The following UBE2D2 variants were observed in gnomAD, a reference collection of about 807,000 sequenced individuals.
UBE2D2 encodes ubiquitin-conjugating enzyme E2 D2.
In UBE2D2, 2 loss-of-function variants were observed where a neutral mutation model predicts 24.2. That is an observed-to-expected ratio of 0.08 (90% CI 0.03 to 0.26). UBE2D2 has a LOEUF of 0.26. Among genes scored for constraint, UBE2D2 ranks in the 10% least tolerant of loss-of-function variants. UBE2D2 has a pLI of 1.00. For synonymous variants in UBE2D2, 58 were observed against 56.5 expected, an observed-to-expected ratio of 1.03 and a Z score of -0.12; for missense variants, 44 against 177.6, an observed-to-expected ratio of 0.25 and a Z score of 4.28.
chr5:139,614,454 CCTCATCTTG>C lies in UBE2D2; in HGVS notation c.89-126_89-118del, dbSNP rs1754383757. The C allele has an allele frequency of 6.8e-6, 7 of 1,034,994 alleles. No individual in the cohort carries two copies. In the South Asian group the frequency reaches 9.2e-5, roughly 14 times the overall value. 64.1% of individuals were successfully genotyped at this position (1,034,994 alleles called of 1,614,324 possible). ...TTTCTTTAGACTGTTAATTTATGTT[CCTCATCTTG>C]CTCATACTCATTATCATATTATTTA... is the stretch of plus-strand genomic sequence containing the variant. On this transcript the variant is annotated intron_variant, in intron 2 of 6. Transcript: ENST00000398733.
chr5:139,577,757 C>G (rs576774315), intron 1 of UBE2D2, among the ~76,000 whole-genome samples: 1 of 152,238 alleles, frequency 6.6e-6, no homozygotes, highest in East Asian at 1.9e-4. Flanking sequence ...CACTATCCAC[C>G]TATATTAAGT....
At position 139,548,193 on chromosome 5, in the gene UBE2D2, A is replaced by AAAAAAAAAAATAAATAAAT; in HGVS notation, c.-64+21584_-64+21585insAAAAAAATAAATAAATAAA. Among the ~76,000 whole-genome samples the AAAAAAAAAAATAAATAAAT allele has an allele frequency of 2.7e-3, 129 of 47,022 alleles. 5 individuals carry two copies. Among genetic ancestry groups the AAAAAAAAAAATAAATAAAT allele is most frequent in the Non-Finnish European group, 4.0e-3 (105 of 26,302 alleles). The allele number at this position is 47,022 out of a possible 152,430, so 30.8% of individuals were successfully genotyped here. On this transcript the variant is annotated intron_variant, in intron 1 of 6. Coordinates refer to the UBE2D2 transcript ENST00000511725. ...AAAAAAAAAAAAAAAATAAAAAAAA[A>AAAAAAAAAAATAAATAAAT]AAATAAATAAATAAATAAATAAACG...
chr5:139,548,184 T>A (rs75920910), intron 1 of UBE2D2, among the ~76,000 whole-genome samples: 24,670 of 38,114 alleles, frequency 0.65, 6,226 homozygotes, highest in Non-Finnish European at 0.69. Flanking sequence ...AAAAAAAAAA[T>A]AAAAAAAAAA....
chr5:139,564,792 C>G (rs965856683), intron 1 of UBE2D2, among the ~76,000 whole-genome samples: 1 of 152,126 alleles, frequency 6.6e-6, no homozygotes, highest in African/African-American at 2.4e-5. Flanking sequence ...ACCATTTTCC[C>G]CTAGTTTATT....
At chr5:139,623,615 G>A in intron 6 of UBE2D2, 154 bp downstream of exon 6, 1 of 504,176 alleles carries the variant, frequency 2.0e-6, no homozygotes, top group Non-Finnish European at 3.5e-6. Flanking sequence ...TATGCATTGA[G>A]TATTATTATA....
chr5:139,533,684 A>G (rs577175387), intron 1 of UBE2D2, among the ~76,000 whole-genome samples: 1 of 152,184 alleles, frequency 6.6e-6, no homozygotes, highest in South Asian at 2.1e-4. Flanking sequence ...AAAGAAAAGG[A>G]TTGATAAATT....
intron 2 of UBE2D2, among the ~76,000 whole-genome samples, chr5:139,608,527 G>A (rs1223271111): frequency 6.6e-6 from 1 of 152,096 alleles, no homozygotes; most frequent in Non-Finnish European, 1.5e-5. Flanking sequence ...GGTCAAGGCA[G>A]GCAGATCGCT....
intron 1 of UBE2D2, among the ~76,000 whole-genome samples, chr5:139,552,468 T>C (rs1198262406): frequency 1.3e-5 from 2 of 151,518 alleles, no homozygotes; most frequent in Non-Finnish European, 1.5e-5. Flanking sequence ...GTGCCCAGCC[T>C]CTAATAGCTA....
intron 1 of UBE2D2, among the ~76,000 whole-genome samples, chr5:139,575,367 T>C (rs961464455): frequency 1.3e-5 from 2 of 152,134 alleles, no homozygotes; most frequent in African/African-American, 4.8e-5. Context: ...ACGGAATTGG[T>C]ATAATCTCAA....
chr5:139,541,580 A>G, intron 1 of UBE2D2, among the ~76,000 whole-genome samples: 1 of 144,524 alleles, frequency 6.9e-6, no homozygotes, highest in Non-Finnish European at 1.5e-5. Context: ...AGCCTGGGCC[A>G]CAGAGCTAGA....
chr5:139,527,339 G>A (rs1465753203), intron 1 of UBE2D2, among the ~76,000 whole-genome samples: 1 of 152,066 alleles, frequency 6.6e-6, no homozygotes, highest in Non-Finnish European at 1.5e-5. Context: ...AGCTGGCAGA[G>A]GCAAGGAAAG....
At chr5:139,584,562 C>T (rs1301169832) in intron 1 of UBE2D2, among the ~76,000 whole-genome samples, 44 of 119,578 alleles carry the variant, frequency 3.7e-4, no homozygotes, top group Admixed American at 2.6e-3. Flanking sequence ...ACAAGAGTTT[C>T]GCTCTTGTTG....
At chr5:139,589,068 G>A (rs990250771) in intron 1 of UBE2D2, among the ~76,000 whole-genome samples, 1 of 152,150 alleles carries the variant, frequency 6.6e-6, no homozygotes, top group African/African-American at 2.4e-5. Context: ...TGACATTACA[G>A]GCATGAGCCA....
intron 1 of UBE2D2, among the ~76,000 whole-genome samples, chr5:139,527,359 G>T (rs1182945763): frequency 6.6e-6 from 1 of 151,982 alleles, no homozygotes; most frequent in Non-Finnish European, 1.5e-5. Flanking sequence ...GACCAGCAGA[G>T]AGAAAAAAAG....
At chr5:139,541,239 A>C (rs1349713730) in intron 1 of UBE2D2, among the ~76,000 whole-genome samples, 1 of 151,510 alleles carries the variant, frequency 6.6e-6, no homozygotes, top group African/African-American at 2.4e-5. Context: ...TGGAGGTTGC[A>C]GTGAACTGAG....
In UBE2D2 at chr5:139,600,462, T is replaced by C. The variant is rs80091303; in HGVS notation, c.88+27T>C. 2,307 of 1,609,136 alleles carry C rather than the reference T, an allele frequency of 1.4e-3. 37 individuals carry two copies. The African/African-American group carries it at 0.02, about 14-fold the overall frequency. ...TAAGTATTTAAAAGGAATAATGGAG[T>C]AATAGCATAACAGTGGTTATTTTGT... On this transcript the variant is annotated intron_variant, in intron 2 of 6. Coordinates refer to ENST00000398733, the MANE Select transcript of UBE2D2 (RefSeq NM_003339.3).
chr5:139,553,066 G>A (rs1310668847), intron 1 of UBE2D2, among the ~76,000 whole-genome samples: 6 of 152,034 alleles, frequency 3.9e-5, no homozygotes, highest in Non-Finnish European at 7.4e-5. Flanking sequence ...TGATCCGCCC[G>A]CCTTGGCCTT....
chr5:139,527,017 T>G (rs538089463), intron 1 of UBE2D2, among the ~76,000 whole-genome samples: 1 of 152,006 alleles, frequency 6.6e-6, no homozygotes, highest in African/African-American at 2.4e-5. Context: ...AAGAAAAAAA[T>G]ATGGGTCAGG....
intron 1 of UBE2D2, among the ~76,000 whole-genome samples, chr5:139,533,708 G>A (rs764426333): frequency 1.3e-5 from 2 of 151,850 alleles, no homozygotes; most frequent in Non-Finnish European, 2.9e-5. Context: ...AAGGACCAGT[G>A]TATTACTGGG....
Sources: gnomAD v4.1 joint callset for allele counts (sites outside exome capture counted in the v4.1 genomes callset) on GRCh38, gnomAD v4.1.1 for gene constraint, MANE v1.5 for transcripts, NCBI Gene and HGNC (gene_info 2026-07-23, HGNC 2026-07-21) for gene names.